NRXN3: variants seen among roughly 807,000 people sequenced by gnomAD.
NRXN3 encodes neurexin III.
NRXN3 carries 32 observed loss-of-function variants against 137.6 expected under a neutral mutation model. That is an observed-to-expected ratio of 0.23 (90% CI 0.18 to 0.31). NRXN3 has a LOEUF of 0.31. NRXN3 is among the 10% of genes least tolerant of loss of function. The pLI, the probability that NRXN3 is intolerant of heterozygous loss-of-function variation, is 1.00. For missense variants in NRXN3, 1,574 were observed against 2,062.5 expected, an observed-to-expected ratio of 0.76 and a Z score of 4.59; for synonymous variants, 798 against 784.5, an observed-to-expected ratio of 1.02 and a Z score of -0.29.
chr14:79,821,684 TTG>T (rs1491583175), intron 20 of NRXN3, among the ~76,000 whole-genome samples: 3 of 151,382 alleles, frequency 2.0e-5, no homozygotes, highest in African/African-American at 7.3e-5. Context: ...TTTTTTTTTT[TTG>T]CATGTCTTTT....
At chr14:78,918,228 T>G (rs1278436843) in intron 10 of NRXN3, among the ~76,000 whole-genome samples, 1 of 128,552 alleles carries the variant, frequency 7.8e-6, no homozygotes, top group Non-Finnish European at 1.5e-5. Flanking sequence ...GAGGTTGCAG[T>G]AGGCCGAGAT....
At chr14:78,958,588 C>A (rs1417848827) in intron 11 of NRXN3, among the ~76,000 whole-genome samples, 7 of 152,248 alleles carry the variant, frequency 4.6e-5, no homozygotes, top group African/African-American at 1.7e-4. Flanking sequence ...ATCTCCTGAC[C>A]TCCTGATCCA....
intron 20 of NRXN3, among the ~76,000 whole-genome samples, chr14:79,830,419 T>C (rs889392967): frequency 6.6e-6 from 1 of 152,158 alleles, no homozygotes; most frequent in African/African-American, 2.4e-5. Flanking sequence ...TCTGAGAGCA[T>C]AGTCAGTAAC....
chr14:78,488,950 C>T (rs1376181506), intron 4 of NRXN3, among the ~76,000 whole-genome samples: 1 of 151,904 alleles, frequency 6.6e-6, no homozygotes, highest in Non-Finnish European at 1.5e-5. Context: ...TAGCACTTAC[C>T]ATGGATTGAA....
intron 1 of NRXN3, among the ~76,000 whole-genome samples, chr14:78,197,459 G>T (rs925074051): frequency 6.6e-6 from 1 of 152,212 alleles, no homozygotes; most frequent in Non-Finnish European, 1.5e-5. Flanking sequence ...GGAGGTTCTT[G>T]GTTATGCCGT....
rs942237433 is a variant in NRXN3, at chr14:78,927,266, C to T, written c.2276-29976C>T. Among the ~76,000 whole-genome samples the T allele has an allele frequency of 2.0e-5, 3 of 151,800 alleles. No individual in the cohort carries two copies. In the East Asian group the frequency reaches 5.8e-4, roughly 30 times the overall value. On this transcript the variant is annotated intron_variant, in intron 10 of 20. Transcript: ENST00000335750. ...TATGGAGCCCACATTCCAGCTGCCT[C>T]TGACAATGCTTTTCCCCATGGCACT...
intron 16 of NRXN3, among the ~76,000 whole-genome samples, chr14:79,544,598 A>T (rs528713120): frequency 1.1e-3 from 163 of 152,304 alleles, no homozygotes; most frequent in Non-Finnish European, 1.8e-3. Context: ...AATCTATGAC[A>T]TTTTTGGAAA....
chr14:78,667,369 T>C (rs1195978905), intron 6 of NRXN3, among the ~76,000 whole-genome samples: 2 of 152,314 alleles, frequency 1.3e-5, no homozygotes, highest in East Asian at 1.9e-4. Flanking sequence ...TGAATCTGTT[T>C]CGTAGTGAGT....
intron 4 of NRXN3, among the ~76,000 whole-genome samples, chr14:78,567,715 A>G (rs182080002): frequency 5.1e-4 from 78 of 152,202 alleles, no homozygotes; most frequent in African/African-American, 1.8e-3. Context: ...TAGTAAATAA[A>G]CATTATTATT....
chr14:79,743,010 C>T (rs908581645), intron 19 of NRXN3, among the ~76,000 whole-genome samples: 2 of 152,066 alleles, frequency 1.3e-5, no homozygotes, highest in African/African-American at 4.8e-5. Context: ...TTCTGGGTTG[C>T]CTCAAAACTT....
intron 15 of NRXN3, among the ~76,000 whole-genome samples, chr14:79,371,095 C>A (rs2094093272): frequency 6.6e-6 from 1 of 152,074 alleles, no homozygotes. Flanking sequence ...TCTAACTGTT[C>A]CAGGTATCAA....
chr14:79,541,663 G>T (rs1036160998), intron 16 of NRXN3, among the ~76,000 whole-genome samples: 1 of 152,140 alleles, frequency 6.6e-6, no homozygotes, highest in African/African-American at 2.4e-5. Context: ...AGTCTCAAGA[G>T]ACACAAGAAA....
rs546457944 is a variant in NRXN3, at chr14:78,815,839, A to G, written c.2275+5495A>G. Among the ~76,000 whole-genome samples, 23 of 152,316 alleles carry G rather than the reference A, an allele frequency of 1.5e-4. No homozygotes were observed. In the South Asian group the frequency reaches 4.8e-3, roughly 32 times the overall value. On this transcript the variant is annotated intron_variant, in intron 10 of 20. Transcript: ENST00000335750. ...AAAAGTCATTCTCAAAGGAAATTGT[A>G]GAACCCTCTTTGGTATCCATTTTAA...
intron 16 of NRXN3, among the ~76,000 whole-genome samples, chr14:79,572,281 C>T (rs911472320): frequency 6.6e-6 from 1 of 152,144 alleles, no homozygotes; most frequent in African/African-American, 2.4e-5. Flanking sequence ...AACAGGACAG[C>T]TGGTCTCTCA....
chr14:79,441,877 A>C (rs1191871569), intron 15 of NRXN3, among the ~76,000 whole-genome samples: 1 of 151,706 alleles, frequency 6.6e-6, no homozygotes, highest in East Asian at 1.9e-4. Context: ...CAAAAAAAAA[A>C]ACTGTCCTCC....
chr14:79,727,287 T>C (rs1247819589), intron 19 of NRXN3, among the ~76,000 whole-genome samples: 1 of 152,210 alleles, frequency 6.6e-6, no homozygotes, highest in East Asian at 1.9e-4. Context: ...TAAATTGCAG[T>C]TTGAATGACT....
chr14:79,684,710 G>T (rs995682798), intron 17 of NRXN3, among the ~76,000 whole-genome samples: 3 of 152,108 alleles, frequency 2.0e-5, no homozygotes, highest in Admixed American at 2.0e-4. Context: ...TAAATGAACA[G>T]AATTTTAAAA....
intron 15 of NRXN3, among the ~76,000 whole-genome samples, chr14:79,163,650 A>G (rs1159488629): frequency 6.6e-6 from 1 of 151,894 alleles, no homozygotes; most frequent in Non-Finnish European, 1.5e-5. Context: ...TATTTAATTT[A>G]GTAAGCAAAT....
At chr14:79,314,771 A>C (rs1399383759) in intron 15 of NRXN3, among the ~76,000 whole-genome samples, 3 of 147,282 alleles carry the variant, frequency 2.0e-5, no homozygotes, top group Non-Finnish European at 4.5e-5. Flanking sequence ...ACCCCCAAGC[A>C]GCCTAACTGG....
Sources: gnomAD v4.1 joint callset for allele counts (sites outside exome capture counted in the v4.1 genomes callset) on GRCh38, gnomAD v4.1.1 for gene constraint, MANE v1.5 for transcripts, NCBI Gene and HGNC (gene_info 2026-07-23, HGNC 2026-07-21) for gene names.